ARB2A: variants seen among roughly 807,000 people sequenced by gnomAD.
ARB2A encodes the protein cotranscriptional regulator ARB2A.
chr5:94,072,540 A>AT, the ARB2A span, among the ~76,000 whole-genome samples: 1 of 152,108 alleles, frequency 6.6e-6, no homozygotes, highest in Non-Finnish European at 1.5e-5. Flanking sequence ...GTCCAGAATA[A>AT]TTTTTAATAA....
the ARB2A span, among the ~76,000 whole-genome samples, chr5:93,817,238 T>C: frequency 6.6e-6 from 1 of 152,152 alleles, no homozygotes; most frequent in African/African-American, 2.4e-5. Context: ...TCAGTTAGAA[T>C]AGCTTCAAAA....
At chr5:93,765,285 T>A in the ARB2A span, among the ~76,000 whole-genome samples, 3 of 152,146 alleles carry the variant, frequency 2.0e-5, no homozygotes, top group African/African-American at 7.2e-5. Context: ...TGATTGTATA[T>A]CTAGAAAACC....
chr5:93,752,665 A>T, the ARB2A span, among the ~76,000 whole-genome samples: 26 of 152,272 alleles, frequency 1.7e-4, no homozygotes, highest in Non-Finnish European at 3.7e-4. Context: ...GACCTGATGA[A>T]ATATATATAC....
At chr5:93,851,951 T>C in the ARB2A span, among the ~76,000 whole-genome samples, 1 of 152,196 alleles carries the variant, frequency 6.6e-6, no homozygotes, top group East Asian at 1.9e-4. Context: ...TGATTTATAG[T>C]CCTTTGTGTA....
the ARB2A span, chr5:93,743,437 T>G: frequency 1.8e-5 from 10 of 559,164 alleles, no homozygotes; most frequent in African/African-American, 1.8e-4. Context: ...TTGCCTTCAA[T>G]TAGATTTTAA....
chr5:94,092,257 G>A, the ARB2A span, among the ~76,000 whole-genome samples: 60 of 152,198 alleles, frequency 3.9e-4, 1 homozygote, highest in African/African-American at 1.4e-3. Flanking sequence ...GAGGTGGTAG[G>A]ATTGCTTGAG....
the ARB2A span, among the ~76,000 whole-genome samples, chr5:94,079,812 A>G: frequency 6.6e-6 from 1 of 152,198 alleles, no homozygotes; most frequent in African/African-American, 2.4e-5. Flanking sequence ...CATCTGAAAA[A>G]AGGGCCAAAA....
chr5:94,090,369 G>C, the ARB2A span, among the ~76,000 whole-genome samples: 3 of 152,146 alleles, frequency 2.0e-5, no homozygotes, highest in Admixed American at 1.3e-4. Flanking sequence ...TCTGCACATT[G>C]ATTTTGTATC....
At chr5:93,753,825 G>T in the ARB2A span, among the ~76,000 whole-genome samples, 1 of 152,164 alleles carries the variant, frequency 6.6e-6, no homozygotes, top group Admixed American at 6.5e-5. Flanking sequence ...CAGGTATCAG[G>T]CGTTTAGACA....
the ARB2A span, among the ~76,000 whole-genome samples, chr5:93,759,725 T>C: frequency 6.6e-6 from 1 of 152,102 alleles, no homozygotes. Flanking sequence ...CTCAGCAAAA[T>C]TGGCATACAA....
chr5:93,808,747 C>A, the ARB2A span, among the ~76,000 whole-genome samples: 2 of 151,942 alleles, frequency 1.3e-5, no homozygotes, highest in African/African-American at 2.4e-5. Flanking sequence ...ATCAAAAATG[C>A]TCCATTATCA....
the ARB2A span, chr5:93,964,325 C>T: frequency 1.7e-6 from 1 of 604,848 alleles, no homozygotes; most frequent in Admixed American, 3.2e-5. Context: ...TTATCGCTAT[C>T]AACACAATAA....
At chr5:94,049,728 C>T in the ARB2A span, among the ~76,000 whole-genome samples, 268 of 152,140 alleles carry the variant, frequency 1.8e-3, no homozygotes, top group Non-Finnish European at 3.1e-3. Flanking sequence ...GACTGAGGCA[C>T]GAGAATCGCT....
chr5:94,071,086 T>G, the ARB2A span, among the ~76,000 whole-genome samples: 2 of 152,092 alleles, frequency 1.3e-5, no homozygotes, highest in Non-Finnish European at 2.9e-5. Flanking sequence ...AAAAACCTGT[T>G]GATGAATGTT....
At chr5:93,957,486 AAC>A in the ARB2A span, among the ~76,000 whole-genome samples, 1 of 152,076 alleles carries the variant, frequency 6.6e-6, no homozygotes, top group East Asian at 1.9e-4. Flanking sequence ...TGAAATCCGA[AAC>A]AGTTTAAACA....
the ARB2A span, among the ~76,000 whole-genome samples, chr5:93,889,265 T>A: frequency 4.6e-5 from 7 of 151,878 alleles, no homozygotes; most frequent in African/African-American, 1.7e-4. Flanking sequence ...GAAAATGTAA[T>A]GTTTGAGGAT....
At chr5:93,762,126 A>G in the ARB2A span, among the ~76,000 whole-genome samples, 3 of 152,166 alleles carry the variant, frequency 2.0e-5, no homozygotes, top group African/African-American at 4.8e-5. Flanking sequence ...AAAACTGGAA[A>G]CTCTAAAAAT....
chr5:93,741,647 GC>G, the ARB2A span: 4 of 1,413,736 alleles, frequency 2.8e-6, no homozygotes, highest in Non-Finnish European at 2.8e-6. Flanking sequence ...CTCAAGCCCC[GC>G]CCCCCAGTGG....
chr5:93,665,025 C>T, the ARB2A span, among the ~76,000 whole-genome samples: 1 of 152,046 alleles, frequency 6.6e-6, no homozygotes, highest in Non-Finnish European at 1.5e-5. Context: ...CAGAGTTTTG[C>T]CATGTTGCCC....
Sources: allele counts gnomAD v4.1 joint callset (sites outside exome capture counted in the v4.1 genomes callset), GRCh38; gene constraint gnomAD v4.1.1; transcripts MANE v1.5; gene names NCBI Gene and HGNC (gene_info 2026-07-23, HGNC 2026-07-21).